Variants in CT45A1 observed in about 807,000 individuals in gnomAD.
CT45A1 encodes the protein cancer/testis antigen family 45 member A1.
intron 1 of CT45A1, among the ~76,000 whole-genome samples, chrX:135,718,422 C>T (rs1468283062): frequency 4.5e-5 from 5 of 110,225 alleles, no homozygotes; most frequent in Non-Finnish European, 9.5e-5. Context: ...AGTTTTGTAT[C>T]AATCTTCTAA....
At chrX:135,717,151 G>T (rs1206366421) in intron 1 of CT45A1, among the ~76,000 whole-genome samples, 2 of 111,976 alleles carry the variant, frequency 1.8e-5, no homozygotes, top group African/African-American at 6.5e-5. Flanking sequence ...TGATCTGCTT[G>T]TGAATTTTCA....
At chrX:135,712,937 T>TCTTTCTTTC (rs782502268), upstream of CT45A1, among the ~76,000 whole-genome samples, 79 of 69,550 alleles carry the variant, frequency 1.1e-3, no homozygotes, top group African/African-American at 4.7e-3. Context: ...TCTTTTCTTT[T>TCTTTCTTTC]TTTCTTTCTT....
chrX:135,711,490 A>G (rs1413844775), upstream of CT45A1, among the ~76,000 whole-genome samples: 5 of 111,187 alleles, frequency 4.5e-5, no homozygotes, highest in Admixed American at 1.9e-4. Flanking sequence ...GCTGGAGTGC[A>G]GTGGCTCGAT....
intron 1 of CT45A1, among the ~76,000 whole-genome samples, chrX:135,716,123 T>G (rs1371518315): frequency 9.0e-6 from 1 of 111,476 alleles, no homozygotes; most frequent in Non-Finnish European, 1.9e-5. Context: ...CTGTTATGAA[T>G]AGTGCCGTGA....
chrX:135,715,629 TTA>T (rs1451091898), intron 1 of CT45A1, among the ~76,000 whole-genome samples: 1 of 94,660 alleles, frequency 1.1e-5, no homozygotes, highest in Non-Finnish European at 2.0e-5. Flanking sequence ...TATATAATAC[TTA>T]TATATATAAT....
rs185919975 is a variant in CT45A1, at chrX:135,716,419, G to A, written c.-6-2516G>A. Reference sequence around the variant, plus strand: ...TTAGCCATTAGAGTATGACTCTTATGAAGTGCATATTCAGCTTTTCCCCCC... The same window carrying A: ...TTAGCCATTAGAGTATGACTCTTATAAAGTGCATATTCAGCTTTTCCCCCC... On this transcript the variant is annotated intron_variant, in intron 1 of 4. Transcript: ENST00000594565. Among the ~76,000 whole-genome samples, 349 of 111,688 alleles carry A rather than the reference G, an allele frequency of 3.1e-3. 1 individual carries two copies. Among genetic ancestry groups the A allele is most frequent in the Middle Eastern group, 0.018 (4 of 217 alleles).
At chrX:135,713,066 G>A (rs1312864675), upstream of CT45A1, among the ~76,000 whole-genome samples, 2 of 77,913 alleles carry the variant, frequency 2.6e-5, no homozygotes, top group African/African-American at 9.9e-5. Flanking sequence ...TTGAGATAGA[G>A]TCTCCTCTAT....
chrX:135,716,263 T>C (rs782777798), intron 1 of CT45A1, among the ~76,000 whole-genome samples: 10 of 111,784 alleles, frequency 8.9e-5, no homozygotes, highest in African/African-American at 3.2e-4. Context: ...CACACTGTCT[T>C]CCACAATGGT....
chrX:135,711,609 A>AT (rs782586220), upstream of CT45A1, among the ~76,000 whole-genome samples: 37 of 107,099 alleles, frequency 3.5e-4, no homozygotes, highest in Middle Eastern at 4.7e-3. Context: ...TATATTTTTA[A>AT]TTTTTTTTTT....
chrX:135,710,862 T>C (rs1408248122), upstream of CT45A1, among the ~76,000 whole-genome samples: 4 of 112,592 alleles, frequency 3.6e-5, no homozygotes, highest in Non-Finnish European at 7.5e-5. Context: ...TGTTTTTTTT[T>C]CTCAGACGTC....
At chrX:135,709,952 G>C (rs782487119), upstream of CT45A1, 4 of 112,397 alleles carry the variant, frequency 3.6e-5, no homozygotes, top group African/African-American at 9.7e-5. Flanking sequence ...ACTACACTTT[G>C]ACACCTTTAC....
chrX:135,711,967 A>G (rs1357882466), upstream of CT45A1, among the ~76,000 whole-genome samples: 1 of 108,698 alleles, frequency 9.2e-6, no homozygotes, highest in Non-Finnish European at 1.9e-5. Flanking sequence ...TGTAATCCCA[A>G]CTTCTGGGGA....
intron 1 of CT45A1, among the ~76,000 whole-genome samples, chrX:135,718,703 T>A (rs2088013731): frequency 9.5e-6 from 1 of 105,227 alleles, no homozygotes; most frequent in Non-Finnish European, 1.9e-5. Flanking sequence ...CCACAAGCAT[T>A]CTGATTGATT....
intron 1 of CT45A1, among the ~76,000 whole-genome samples, chrX:135,716,386 T>C (rs2148034566): frequency 8.9e-6 from 1 of 111,877 alleles, no homozygotes; most frequent in South Asian, 3.7e-4. Context: ...ATATATTTGA[T>C]GTGATTATTA....
chrX:135,716,899 A>G (rs1174151482), intron 1 of CT45A1, among the ~76,000 whole-genome samples: 1 of 110,384 alleles, frequency 9.1e-6, no homozygotes, highest in Non-Finnish European at 1.9e-5. Flanking sequence ...ATGATTTACA[A>G]CTCTTCTGTA....
At chrX:135,717,709 T>G (rs184403105) in intron 1 of CT45A1, among the ~76,000 whole-genome samples, 12 of 112,125 alleles carry the variant, frequency 1.1e-4, no homozygotes, top group Non-Finnish European at 1.9e-4. Flanking sequence ...GTACTGTTTT[T>G]AATGACATTT....
upstream of CT45A1, among the ~76,000 whole-genome samples, chrX:135,712,049 C>G: frequency 9.2e-6 from 1 of 108,607 alleles, no homozygotes; most frequent in South Asian, 4.1e-4. Flanking sequence ...GCACTGCACT[C>G]CAGCCTAGGT....
At chrX:135,712,996 C>CCTTCCTTCCT (rs1156263810), upstream of CT45A1, among the ~76,000 whole-genome samples, 141 of 57,594 alleles carry the variant, frequency 2.4e-3, 5 homozygotes, top group Middle Eastern at 0.016. Context: ...TTCCTTCCTT[C>CCTTCCTTCCT]CTCTCTCTCT....
At chrX:135,717,287 G>C (rs373663051) in intron 1 of CT45A1, among the ~76,000 whole-genome samples, 1 of 111,766 alleles carries the variant, frequency 8.9e-6, no homozygotes, top group Non-Finnish European at 1.9e-5. Flanking sequence ...GGTGGCTCAC[G>C]CCTGTAATCC....
Sources: allele counts gnomAD v4.1 joint callset (sites outside exome capture counted in the v4.1 genomes callset), GRCh38; gene constraint gnomAD v4.1.1; transcripts MANE v1.5; gene names NCBI Gene and HGNC (gene_info 2026-07-23, HGNC 2026-07-21).